Variants in PKP4 observed in about 807,000 individuals in gnomAD.
PKP4 encodes the protein plakophilin-4.
PKP4 carries 90 observed loss-of-function variants against 145.1 expected under a neutral mutation model. The observed-to-expected ratio is 0.62, with a 90% CI of 0.52 to 0.74. The LOEUF is 0.74. Ranked by LOEUF, PKP4 falls within the 30% of genes least tolerant of loss-of-function variation. PKP4 has a pLI of 0.00. For missense variants in PKP4, 1,340 were observed against 1,482.7 expected (o/e 0.90, Z 1.58); for synonymous variants, 563 against 577.2 (o/e 0.98, Z 0.35).
chr2:158,496,172 G>GC (rs1358282098), intron 1 of PKP4, among the ~76,000 whole-genome samples: 3 of 1,560 alleles, frequency 1.9e-3, no homozygotes, highest in Admixed American at 0.018. Context: ...AGTAGAGACA[G>GC]GTTTCGCCAT....
At position 158,602,952 on chromosome 2, in the gene PKP4, T is replaced by G. The variant is rs1558870537; in HGVS notation, c.246-118T>G. 26 of 513,458 alleles carry G rather than the reference T, an allele frequency of 5.1e-5. No individual in the cohort carries two copies. The South Asian group carries it at 7.6e-4, about 15-fold the overall frequency. 31.8% of individuals were successfully genotyped at this position (513,458 alleles called of 1,614,324 possible). The stretch of plus-strand genomic sequence containing the variant: ...GATAAGTTTAAATTTTATTTAAGGT[T>G]TTTGTGCTCTTGTATAATTTAATGT... On this transcript the variant is annotated intron_variant, in intron 3 of 21. Coordinates refer to ENST00000389759, the MANE Select transcript of PKP4 (RefSeq NM_003628.6).
intron 2 of PKP4, among the ~76,000 whole-genome samples, chr2:158,559,967 A>G (rs902479212): frequency 1.3e-5 from 2 of 151,986 alleles, no homozygotes; most frequent in African/African-American, 4.8e-5. Flanking sequence ...CCTGGATTCA[A>G]GTGATTCTCC....
intron 12 of PKP4, chr2:158,659,184 GAGA>G (rs1376444905): frequency 6.6e-6 from 1 of 152,454 alleles, no homozygotes; most frequent in Non-Finnish European, 1.5e-5. Flanking sequence ...TTCTAGCATT[GAGA>G]CAGGTGGCTA....
intron 6 of PKP4, among the ~76,000 whole-genome samples, chr2:158,622,979 T>G (rs995326049): frequency 2.6e-5 from 4 of 152,182 alleles, no homozygotes; most frequent in Admixed American, 2.6e-4. Flanking sequence ...TCTTTAAGAG[T>G]AAGTTGATTT....
At chr2:158,639,742 C>T (rs2054117754) in intron 9 of PKP4, among the ~76,000 whole-genome samples, 1 of 152,032 alleles carries the variant, frequency 6.6e-6, no homozygotes, top group Non-Finnish European at 1.5e-5. Context: ...AGTATATATA[C>T]ATAGCATGAT....
chr2:158,552,914 C>T (rs774659756), intron 2 of PKP4, among the ~76,000 whole-genome samples: 40 of 152,138 alleles, frequency 2.6e-4, no homozygotes, highest in Admixed American at 5.2e-4. Flanking sequence ...ACTTGCTCAA[C>T]TCAGGGTTTC....
At chr2:158,555,936 T>C (rs4664250) in intron 2 of PKP4, among the ~76,000 whole-genome samples, 113,722 of 152,104 alleles carry the variant, frequency 0.75, 43,363 homozygotes, top group East Asian at 0.92. Flanking sequence ...CTTATTTTGG[T>C]CACTGCTGAT....
At chr2:158,471,216 G>A (rs1394810971) in intron 1 of PKP4, among the ~76,000 whole-genome samples, 1 of 152,168 alleles carries the variant, frequency 6.6e-6, no homozygotes, top group Non-Finnish European at 1.5e-5. Context: ...AGTGAGGAAA[G>A]CCAAAGAATA....
intron 20 of PKP4, among the ~76,000 whole-genome samples, chr2:158,678,359 T>C (rs2058196277): frequency 6.6e-6 from 1 of 152,148 alleles, no homozygotes; most frequent in African/African-American, 2.4e-5. Context: ...ACACAGCCTG[T>C]TTCTGCCATA....
chr2:158,528,203 C>T lies in PKP4; in HGVS notation c.-5-4977C>T, dbSNP rs1009869460. Among the ~76,000 whole-genome samples, 1,379 of 140,314 alleles carry T rather than the reference C, an allele frequency of 9.8e-3. 21 individuals carry two copies. Among genetic ancestry groups the T allele is most frequent in the African/African-American group, 0.033 (1,323 of 40,254 alleles). The allele number at this position is 140,314 out of a possible 152,430, so 92.1% of individuals were successfully genotyped here. A position where few individuals can be genotyped will look rare whatever the true frequency, so the allele number is the denominator to read the frequency against. On this transcript the variant is annotated intron_variant, in intron 1 of 21. Transcript: ENST00000389759. ...ACATGCACACGTATGTTTATTGCGGCATTATTCACAATAGCAAAGACTTGG... is the reference window on the plus strand; with the variant it reads ...ACATGCACACGTATGTTTATTGCGGTATTATTCACAATAGCAAAGACTTGG...
intron 2 of PKP4, among the ~76,000 whole-genome samples, chr2:158,561,918 C>A (rs2046556196): frequency 6.7e-6 from 1 of 148,808 alleles, no homozygotes; most frequent in Admixed American, 6.7e-5. Flanking sequence ...CCAATGCCAT[C>A]CCTCCCCCCA....
intron 2 of PKP4, among the ~76,000 whole-genome samples, chr2:158,559,008 G>A (rs2069100): frequency 0.2 from 30,138 of 152,132 alleles, 3,832 homozygotes; most frequent in Middle Eastern, 0.35. Flanking sequence ...GTCTCACCTG[G>A]TATGTAGGAT....
intron 1 of PKP4, among the ~76,000 whole-genome samples, chr2:158,500,476 G>A (rs1696387247): frequency 6.6e-6 from 1 of 152,214 alleles, no homozygotes; most frequent in South Asian, 2.1e-4. Flanking sequence ...AGCCTGCTCT[G>A]TTTATAGATA....
At chr2:158,510,289 TCAAATA>T (rs2041386610) in intron 1 of PKP4, among the ~76,000 whole-genome samples, 1 of 152,244 alleles carries the variant, frequency 6.6e-6, no homozygotes. Flanking sequence ...TTTCAACTCC[TCAAATA>T]GTAGAATCAG....
intron 2 of PKP4, among the ~76,000 whole-genome samples, chr2:158,539,014 T>C (rs1270849198): frequency 6.6e-6 from 1 of 152,228 alleles, no homozygotes; most frequent in Non-Finnish European, 1.5e-5. Context: ...TTAGATAGTG[T>C]ATGCTTCTTT....
At chr2:158,611,423 A>C (rs1426693807) in intron 4 of PKP4, among the ~76,000 whole-genome samples, 1 of 152,224 alleles carries the variant, frequency 6.6e-6, no homozygotes, top group African/African-American at 2.4e-5. Context: ...GTATAGATAC[A>C]AGTTTCTTCC....
At chr2:158,498,742 T>C (rs1696114234) in intron 1 of PKP4, among the ~76,000 whole-genome samples, 1 of 152,128 alleles carries the variant, frequency 6.6e-6, no homozygotes, top group Non-Finnish European at 1.5e-5. Flanking sequence ...TGTGCTCTGC[T>C]CTGATAAACT....
chr2:158,537,170 A>G (rs912089821), intron 2 of PKP4, among the ~76,000 whole-genome samples: 1 of 152,244 alleles, frequency 6.6e-6, no homozygotes, highest in African/African-American at 2.4e-5. Flanking sequence ...CACAGCACCT[A>G]GAAAACTTGT....
At chr2:158,550,544 G>T (rs1410791968) in intron 2 of PKP4, among the ~76,000 whole-genome samples, 1 of 152,178 alleles carries the variant, frequency 6.6e-6, no homozygotes, top group Non-Finnish European at 1.5e-5. Flanking sequence ...CCCTGATGGG[G>T]TGTGATTTCT....
Sources: gnomAD v4.1 joint callset for allele counts (sites outside exome capture counted in the v4.1 genomes callset) on GRCh38, gnomAD v4.1.1 for gene constraint, MANE v1.5 for transcripts, NCBI Gene and HGNC (gene_info 2026-07-23, HGNC 2026-07-21) for gene names.